Variants in KIAA1328 observed in about 807,000 individuals in gnomAD.
The protein encoded by KIAA1328 is KIAA1328.
KIAA1328 carries 52 observed loss-of-function variants against 68.1 expected under a neutral mutation model. The ratio of observed to expected loss-of-function variants is 0.76; its 90% confidence interval spans 0.61 to 0.96. The LOEUF (loss-of-function observed/expected upper bound fraction) is 0.96, where lower values mean the gene tolerates loss of function less well. Ranked by LOEUF, KIAA1328 falls within the 40% of genes least tolerant of loss-of-function variation. The pLI, the probability that KIAA1328 is intolerant of heterozygous loss-of-function variation, is 0.00. For synonymous variants in KIAA1328, 232 were observed against 239.4 expected (o/e 0.97, Z 0.28); for missense variants, 641 against 677.6 (o/e 0.95, Z 0.60).
intron 6 of KIAA1328, among the ~76,000 whole-genome samples, chr18:36,985,139 A>G (rs1462698913): frequency 6.6e-6 from 1 of 151,870 alleles, no homozygotes; most frequent in Non-Finnish European, 1.5e-5. Context: ...CTTTCTCTCC[A>G]AAATCCTGTT....
intron 1 of KIAA1328, chr18:36,833,258 G>T (rs1034731131): frequency 9.9e-5 from 15 of 152,094 alleles, no homozygotes; most frequent in South Asian, 2.1e-4. Flanking sequence ...TACCTATATG[G>T]TTAGGAAGTG....
intron 6 of KIAA1328, among the ~76,000 whole-genome samples, chr18:36,998,823 T>A (rs1214094644): frequency 6.6e-6 from 1 of 152,196 alleles, no homozygotes; most frequent in Non-Finnish European, 1.5e-5. Flanking sequence ...AAGAAGCGAC[T>A]ACTGTGCCAC....
intron 7 of KIAA1328, among the ~76,000 whole-genome samples, chr18:37,141,915 T>C (rs1444925317): frequency 2.0e-5 from 3 of 152,232 alleles, no homozygotes; most frequent in Middle Eastern, 3.2e-3. Context: ...AACAACTCAA[T>C]TATTGAACAT....
At chr18:37,145,433 T>C (rs1326565676) in intron 7 of KIAA1328, among the ~76,000 whole-genome samples, 4 of 152,170 alleles carry the variant, frequency 2.6e-5, no homozygotes, top group African/African-American at 9.7e-5. Flanking sequence ...TGCTGTTGAG[T>C]GTAGTGTTCT....
chr18:36,978,980 C>T (rs776855523), intron 6 of KIAA1328, among the ~76,000 whole-genome samples: 1 of 152,018 alleles, frequency 6.6e-6, no homozygotes. Flanking sequence ...GGCAACATAG[C>T]CAGACCCCAT....
Position 37,079,438 on chromosome 18 carries a change from A to T in KIAA1328, c.1232+11893A>T, listed in dbSNP as rs575002926. On this transcript the variant is annotated intron_variant, in intron 7 of 9. Coordinates refer to ENST00000280020, the MANE Select transcript of KIAA1328 (RefSeq NM_020776.3). ...TGGCACATGTATACATATGTAACTA[A>T]CCTGCACATTGTGCACATGTACCCT... 4.0e-3 allele frequency among the ~76,000 whole-genome samples: 591 copies of T among 147,902 alleles called. 3 individuals carry two copies. The highest frequency in any genetic ancestry group is 6.6e-3 in the Non-Finnish European group (442 of 67,454).
chr18:37,037,320 A>G (rs1382915808), intron 6 of KIAA1328, among the ~76,000 whole-genome samples: 1 of 152,208 alleles, frequency 6.6e-6, no homozygotes, highest in African/African-American at 2.4e-5. Context: ...TGGCAGAAAG[A>G]AATCCTAAGG....
intron 7 of KIAA1328, among the ~76,000 whole-genome samples, chr18:37,103,111 C>A (rs1483952251): frequency 3.3e-5 from 5 of 152,120 alleles, no homozygotes; most frequent in Non-Finnish European, 5.9e-5. Context: ...CTATTCAGAG[C>A]AATGCAATCC....
intron 6 of KIAA1328, among the ~76,000 whole-genome samples, chr18:37,041,768 C>T (rs1325719289): frequency 6.6e-6 from 1 of 151,890 alleles, no homozygotes; most frequent in African/African-American, 2.4e-5. Context: ...GCTTCTTAAC[C>T]TATTACAGTC....
chr18:37,192,958 A>G (rs1340122184), intron 9 of KIAA1328, among the ~76,000 whole-genome samples: 1 of 152,164 alleles, frequency 6.6e-6, no homozygotes, highest in Non-Finnish European at 1.5e-5. Flanking sequence ...TTCTTAAATA[A>G]TTTTATTTTT....
At chr18:37,114,862 T>C (rs1190551659) in intron 7 of KIAA1328, among the ~76,000 whole-genome samples, 1 of 152,096 alleles carries the variant, frequency 6.6e-6, no homozygotes, top group Non-Finnish European at 1.5e-5. Flanking sequence ...AAATACAAAC[T>C]ACCATCAGAT....
chr18:37,102,519 A>G (rs534763942), intron 7 of KIAA1328, among the ~76,000 whole-genome samples: 4 of 152,348 alleles, frequency 2.6e-5, no homozygotes, highest in East Asian at 3.9e-4. Flanking sequence ...AAAAACTCAT[A>G]AAATTTGATA....
intron 5 of KIAA1328, among the ~76,000 whole-genome samples, chr18:36,941,214 AC>A (rs1393337708): frequency 6.6e-6 from 1 of 152,182 alleles, no homozygotes; most frequent in African/African-American, 2.4e-5. Context: ...AAATATGTAT[AC>A]CCACACATAC....
intron 5 of KIAA1328, among the ~76,000 whole-genome samples, chr18:36,927,959 G>A (rs1362826365): frequency 6.6e-6 from 1 of 151,960 alleles, no homozygotes; most frequent in Non-Finnish European, 1.5e-5. Context: ...AGAACAAGTG[G>A]GTGTAATTCA....
intron 7 of KIAA1328, among the ~76,000 whole-genome samples, chr18:37,145,186 C>A (rs557909585): frequency 7.3e-5 from 11 of 151,416 alleles, no homozygotes; most frequent in Non-Finnish European, 1.6e-4. Context: ...ACCTGGGCAA[C>A]AGGGTGAGAA....
intron 5 of KIAA1328, among the ~76,000 whole-genome samples, chr18:36,953,006 A>C (rs1391207421): frequency 4.6e-5 from 7 of 151,814 alleles, no homozygotes. Flanking sequence ...CAAAACCAAA[A>C]AAAAAAAAGT....
chr18:36,953,608 T>G (rs962909889), intron 5 of KIAA1328, among the ~76,000 whole-genome samples: 14 of 152,128 alleles, frequency 9.2e-5, no homozygotes, highest in African/African-American at 3.4e-4. Context: ...GTTGGACTTG[T>G]GCTTAGTAAT....
chr18:36,983,668 C>T (rs1432243704), intron 6 of KIAA1328, among the ~76,000 whole-genome samples: 22 of 152,064 alleles, frequency 1.4e-4, no homozygotes, highest in Admixed American at 1.4e-3. Flanking sequence ...AGCCCAGAGG[C>T]ATCACTGGTA....
At chr18:37,115,978 A>G (rs570032411) in intron 7 of KIAA1328, among the ~76,000 whole-genome samples, 13 of 152,248 alleles carry the variant, frequency 8.5e-5, no homozygotes, top group South Asian at 2.1e-4. Context: ...TCTTCAAGGA[A>G]AACTACAAAC....
Sources: allele counts gnomAD v4.1 joint callset (sites outside exome capture counted in the v4.1 genomes callset), GRCh38; gene constraint gnomAD v4.1.1; transcripts MANE v1.5; gene names NCBI Gene and HGNC (gene_info 2026-07-23, HGNC 2026-07-21).